FAM53B: variants seen among roughly 807,000 people sequenced by gnomAD.
FAM53B encodes protein FAM53B.
A neutral mutation model predicts 32.7 loss-of-function variants in FAM53B; 12 were observed. The observed-to-expected ratio is 0.37, with a 90% CI of 0.24 to 0.59. The LOEUF is 0.59. Among genes scored for constraint, FAM53B ranks in the 20% least tolerant of loss-of-function variants. The probability of loss-of-function intolerance (pLI) is 0.72; values close to 1 mark genes in which losing one functional copy is unlikely to be tolerated. For synonymous variants in FAM53B, 234 were observed against 228.7 expected (o/e 1.02, Z -0.21); for missense variants, 477 against 577.7 (o/e 0.83, Z 1.79).
chr10:124,673,372 G>A (rs1161198547), intron 4 of FAM53B, among the ~76,000 whole-genome samples: 2 of 152,222 alleles, frequency 1.3e-5, no homozygotes, highest in African/African-American at 2.4e-5. Flanking sequence ...CAAACAGGGT[G>A]TGGAACTTGC....
At chr10:124,644,164 T>C (rs1949495832) in intron 4 of FAM53B, among the ~76,000 whole-genome samples, 1 of 152,154 alleles carries the variant, frequency 6.6e-6, no homozygotes, top group South Asian at 2.1e-4. Context: ...CCTGGCCACT[T>C]TGCAGCTATT....
chr10:124,706,488 G>T (rs147846193), intron 2 of FAM53B, 148 bp downstream of exon 2: 3 of 897,586 alleles, frequency 3.3e-6, no homozygotes, highest in African/African-American at 3.3e-5. Flanking sequence ...CCTGTGCCCT[G>T]TTGCCCCAGC....
chr10:124,709,396 C>A (rs547230165), intron 1 of FAM53B, among the ~76,000 whole-genome samples: 6 of 152,284 alleles, frequency 3.9e-5, no homozygotes, highest in Admixed American at 2.0e-4. Context: ...CGACAAGGGG[C>A]CAGGGCTCAG....
Position 124,744,230 on chromosome 10 carries a change from A to G in FAM53B, c.-392T>C, listed in dbSNP as rs984406590. 2.1e-5 allele frequency: 3 copies of G among 145,914 alleles called. No individual in the cohort carries two copies. Among genetic ancestry groups the G allele is most frequent in the Non-Finnish European group, 4.6e-5 (3 of 65,738 alleles). 9.0% of individuals were successfully genotyped at this position (145,914 alleles called of 1,614,324 possible). On this transcript the variant is annotated 5_prime_UTR_variant, in exon 1 of 5. Coordinates refer to ENST00000337318, the MANE Select transcript of FAM53B (RefSeq NM_014661.4). ...AACCGGCACCGGCCAGGCCGCCCGC[A>G]CCCGCCGCCGCCGCGGAGCCGCCAG...
chr10:124,638,471 A>G (rs904441652), intron 4 of FAM53B, among the ~76,000 whole-genome samples: 1 of 152,256 alleles, frequency 6.6e-6, no homozygotes, highest in Non-Finnish European at 1.5e-5. Flanking sequence ...AAATGGGGAA[A>G]TAAAACTGCC....
intron 4 of FAM53B, among the ~76,000 whole-genome samples, chr10:124,638,703 G>A (rs1762292971): frequency 6.6e-6 from 1 of 152,232 alleles, no homozygotes; most frequent in African/African-American, 2.4e-5. Context: ...TGGGGCGGGG[G>A]AGGCCATGCT....
chr10:124,626,177 T>C (rs1381685230), intron 4 of FAM53B, among the ~76,000 whole-genome samples: 1 of 152,266 alleles, frequency 6.6e-6, no homozygotes, highest in Non-Finnish European at 1.5e-5. Flanking sequence ...GAGTGTTTTC[T>C]GTGGCCTCGC....
chr10:124,633,147 T>C (rs550087104), intron 4 of FAM53B, among the ~76,000 whole-genome samples: 1 of 151,912 alleles, frequency 6.6e-6, no homozygotes, highest in South Asian at 2.1e-4. Flanking sequence ...CCAACCACTC[T>C]TGCTAACAAC....
At chr10:124,737,412 A>G (rs1338242576) in intron 1 of FAM53B, among the ~76,000 whole-genome samples, 1 of 152,172 alleles carries the variant, frequency 6.6e-6, no homozygotes, top group Admixed American at 6.5e-5. Flanking sequence ...GATGGGTAGC[A>G]TGTTTCACTT....
intron 2 of FAM53B, among the ~76,000 whole-genome samples, chr10:124,699,432 GC>G (rs1485290521): frequency 1.3e-5 from 2 of 152,216 alleles, no homozygotes; most frequent in Non-Finnish European, 2.9e-5. Context: ...GAGTGTCAGA[GC>G]CGCCCTGCAG....
At chr10:124,630,299 C>T (rs1046222875) in intron 4 of FAM53B, among the ~76,000 whole-genome samples, 6 of 152,094 alleles carry the variant, frequency 3.9e-5, no homozygotes, top group East Asian at 1.9e-4. Flanking sequence ...CTGTGGTCCC[C>T]GCTACTCGGG....
chr10:124,727,408 G>A (rs1950112913), intron 1 of FAM53B, among the ~76,000 whole-genome samples: 2 of 151,738 alleles, frequency 1.3e-5, no homozygotes, highest in Non-Finnish European at 2.9e-5. Flanking sequence ...AGGGTAGAAG[G>A]GCCCCTGGCC....
At chr10:124,638,302 G>A (rs1379988339) in intron 4 of FAM53B, among the ~76,000 whole-genome samples, 8 of 152,096 alleles carry the variant, frequency 5.3e-5, no homozygotes, top group Admixed American at 2.0e-4. Flanking sequence ...CCTGGGAGGC[G>A]GAGCTTGCAG....
At chr10:124,635,133 C>T (rs557139416) in intron 4 of FAM53B, among the ~76,000 whole-genome samples, 108 of 152,232 alleles carry the variant, frequency 7.1e-4, no homozygotes, top group Non-Finnish European at 6.9e-4. Flanking sequence ...TGCTCTGTCA[C>T]CCAGGCTGGA....
chr10:124,681,557 C>A, intron 4 of FAM53B, 50 bp downstream of exon 4: 1 of 1,477,828 alleles, frequency 6.8e-7, no homozygotes, highest in Non-Finnish European at 9.1e-7. Context: ...CCAGAACCAG[C>A]AGAGGCTCCA....
At chr10:124,701,073 G>GC (rs1949912495) in intron 2 of FAM53B, among the ~76,000 whole-genome samples, 1 of 152,222 alleles carries the variant, frequency 6.6e-6, no homozygotes, top group Admixed American at 6.5e-5. Flanking sequence ...GCATGGGCAG[G>GC]CCCCTTGGTA....
intron 1 of FAM53B, among the ~76,000 whole-genome samples, chr10:124,723,917 T>C (rs895712212): frequency 6.6e-6 from 1 of 152,224 alleles, no homozygotes. Flanking sequence ...GCAAATCTCA[T>C]GTACTCCCTG....
In FAM53B at chr10:124,623,088, A is replaced by G; in HGVS notation, c.*154T>C. ...ACGCGGCCAGGCCAGGCTCTCCCCC[A>G]GGCAGCAGGTGGGCTCCCTCTCTGG... On this transcript the variant is annotated 3_prime_UTR_variant, in exon 5 of 5. Coordinates refer to ENST00000337318, the MANE Select transcript of FAM53B (RefSeq NM_014661.4). 1 of 998,938 alleles carries G rather than the reference A, an allele frequency of 1.0e-6. No individual in the cohort carries two copies. The highest frequency in any genetic ancestry group is 1.5e-6 in the Non-Finnish European group (1 of 688,326). The allele number at this position is 998,938 out of a possible 1,614,324, so 61.9% of individuals were successfully genotyped here.
chr10:124,679,658 T>G (rs1166894684), intron 4 of FAM53B, among the ~76,000 whole-genome samples: 24 of 152,148 alleles, frequency 1.6e-4, no homozygotes, highest in Admixed American at 1.5e-3. Context: ...CCTCTCTACT[T>G]TCCCTGTGCC....
Sources: gnomAD v4.1 joint callset for allele counts (sites outside exome capture counted in the v4.1 genomes callset) on GRCh38, gnomAD v4.1.1 for gene constraint, MANE v1.5 for transcripts, NCBI Gene and HGNC (gene_info 2026-07-23, HGNC 2026-07-21) for gene names.